Variants in IMMP2L observed in about 807,000 individuals in gnomAD.
IMMP2L encodes the protein inner mitochondrial membrane peptidase subunit 2.
A neutral mutation model predicts 19.3 loss-of-function variants in IMMP2L; 18 were observed. The observed-to-expected ratio is 0.93, with a 90% CI of 0.64 to 1.38. The LOEUF is 1.38. IMMP2L is among the 40% of genes most tolerant of loss of function. The pLI, the probability that IMMP2L is intolerant of heterozygous loss-of-function variation, is 0.00. For missense variants in IMMP2L, 233 were observed against 218.2 expected (o/e 1.07, Z -0.43); for synonymous variants, 76 against 73.0 (o/e 1.04, Z -0.21).
chr7:111,490,323 T>G (rs1025324266), intron 2 of IMMP2L, among the ~76,000 whole-genome samples: 1 of 150,906 alleles, frequency 6.6e-6, no homozygotes, highest in African/African-American at 2.4e-5. Context: ...CTTGCTATGT[T>G]GAGCAGGATG....
chr7:110,972,723 G>A (rs1820276752), intron 3 of IMMP2L, among the ~76,000 whole-genome samples: 1 of 152,124 alleles, frequency 6.6e-6, no homozygotes, highest in African/African-American at 2.4e-5. Context: ...AACCAAGCCA[G>A]AGAGGTACAG....
Position 110,729,008 on chromosome 7 carries a change from A to G in IMMP2L, c.409-65287T>C, listed in dbSNP as rs187259726. 5.3e-3 allele frequency among the ~76,000 whole-genome samples: 810 copies of G among 152,210 alleles called. 10 individuals carry two copies. The highest frequency in any genetic ancestry group is 0.019 in the African/African-American group (773 of 41,564). On this transcript the variant is annotated intron_variant, in intron 5 of 5. Transcript: ENST00000405709. ...CAGGTTCAAGAGATTCTCCAGCCTCAGCCCCCTGAGTGATTACAGGCACAT... is the reference window on the plus strand; with the variant it reads ...CAGGTTCAAGAGATTCTCCAGCCTCGGCCCCCTGAGTGATTACAGGCACAT...
At chr7:110,751,851 G>T (rs1797739639) in intron 5 of IMMP2L, among the ~76,000 whole-genome samples, 1 of 151,810 alleles carries the variant, frequency 6.6e-6, no homozygotes, top group Non-Finnish European at 1.5e-5. Flanking sequence ...CAAAATGAAA[G>T]AATACATGGA....
intron 5 of IMMP2L, among the ~76,000 whole-genome samples, chr7:110,741,617 A>G (rs1796994422): frequency 6.6e-6 from 1 of 152,226 alleles, no homozygotes; most frequent in Non-Finnish European, 1.5e-5. Flanking sequence ...TAGAATTGTA[A>G]GCAATAAATG....
chr7:110,948,082 C>A (rs1817433177), intron 4 of IMMP2L, among the ~76,000 whole-genome samples: 1 of 152,104 alleles, frequency 6.6e-6, no homozygotes, highest in Non-Finnish European at 1.5e-5. Context: ...GAATCCCAAC[C>A]AGGAGGATGA....
chr7:110,768,593 T>C (rs1384205818), intron 5 of IMMP2L, among the ~76,000 whole-genome samples: 1 of 152,166 alleles, frequency 6.6e-6, no homozygotes. Context: ...TTCTCCAGGA[T>C]TGTATACATG....
At chr7:110,739,704 A>G (rs1796873324) in intron 5 of IMMP2L, among the ~76,000 whole-genome samples, 1 of 152,118 alleles carries the variant, frequency 6.6e-6, no homozygotes, top group African/African-American at 2.4e-5. Flanking sequence ...TTCCCTACGA[A>G]AAATGAACTT....
intron 5 of IMMP2L, among the ~76,000 whole-genome samples, chr7:110,804,682 T>G (rs1801498950): frequency 6.6e-6 from 1 of 152,238 alleles, no homozygotes; most frequent in African/African-American, 2.4e-5. Context: ...AATTTCTAGT[T>G]ATTTTCAACT....
intron 3 of IMMP2L, among the ~76,000 whole-genome samples, chr7:111,010,635 A>G (rs1000964514): frequency 2.0e-5 from 3 of 152,142 alleles, no homozygotes; most frequent in Admixed American, 6.6e-5. Context: ...TCCAGGCCAA[A>G]CAACTATTTT....
chr7:111,319,905 T>A (rs1584607511), intron 3 of IMMP2L, among the ~76,000 whole-genome samples: 1 of 152,154 alleles, frequency 6.6e-6, no homozygotes, highest in African/African-American at 2.4e-5. Flanking sequence ...AATGACTTTA[T>A]ATAAAAATTA....
intron 3 of IMMP2L, among the ~76,000 whole-genome samples, chr7:111,111,951 T>TG (rs1563254709): frequency 2.0e-4 from 26 of 133,226 alleles, no homozygotes; most frequent in African/African-American, 7.0e-4. Context: ...TGTTTTTTTT[T>TG]TTTTTTTTTT....
intron 5 of IMMP2L, among the ~76,000 whole-genome samples, chr7:110,764,120 A>C (rs1466252486): frequency 6.6e-6 from 1 of 152,128 alleles, no homozygotes; most frequent in Admixed American, 6.6e-5. Context: ...ACTGACTTGA[A>C]TACAAGGTAA....
chr7:110,771,191 A>G (rs1447657856), intron 5 of IMMP2L, among the ~76,000 whole-genome samples: 1 of 152,076 alleles, frequency 6.6e-6, no homozygotes, highest in African/African-American at 2.4e-5. Flanking sequence ...TGAGGGTGAG[A>G]CTAGGTCAGG....
In IMMP2L at chr7:111,093,300, GATTT is replaced by G. The variant is rs1176709964; in HGVS notation, c.240-129739_240-129736del. On this transcript the variant is annotated intron_variant, in intron 3 of 5. Coordinates refer to ENST00000405709, the MANE Select transcript of IMMP2L (RefSeq NM_032549.4). ...TGCAATCTATAAAAAAAACCAAAAT[GATTT>G]ATTACAAAAAGGAAAAAGTGTTTTA... is the stretch of plus-strand genomic sequence containing the variant. 2.6e-5 allele frequency among the ~76,000 whole-genome samples: 4 copies of G among 152,190 alleles called. No homozygotes were observed. In the East Asian group the frequency reaches 7.7e-4, roughly 29 times the overall value.
intron 3 of IMMP2L, among the ~76,000 whole-genome samples, chr7:111,327,951 GATATATA>G (rs1192293131): frequency 6.6e-6 from 1 of 151,596 alleles, no homozygotes; most frequent in Non-Finnish European, 1.5e-5. Context: ...ACGTATAGTA[GATATATA>G]ATATATAAGA....
At chr7:111,025,934 T>C (rs1423900941) in intron 3 of IMMP2L, among the ~76,000 whole-genome samples, 1 of 152,132 alleles carries the variant, frequency 6.6e-6, no homozygotes, top group East Asian at 1.9e-4. Context: ...TGATTTATAA[T>C]AGGCATATAA....
At chr7:111,236,074 C>CCT (rs2129626670) in intron 3 of IMMP2L, among the ~76,000 whole-genome samples, 2 of 151,980 alleles carry the variant, frequency 1.3e-5, no homozygotes, top group South Asian at 4.2e-4. Flanking sequence ...TTCAATCTTT[C>CCT]CTCTCCTTTT....
intron 3 of IMMP2L, among the ~76,000 whole-genome samples, chr7:111,409,515 G>A (rs1032645829): frequency 1.3e-5 from 2 of 151,648 alleles, no homozygotes; most frequent in Non-Finnish European, 2.9e-5. Context: ...GCACATACAT[G>A]CAAGTAAAAT....
intron 1 of IMMP2L, among the ~76,000 whole-genome samples, chr7:111,527,534 A>G (rs1476304728): frequency 6.6e-6 from 1 of 152,062 alleles, no homozygotes; most frequent in Non-Finnish European, 1.5e-5. Context: ...AGATACTAAA[A>G]CAAACACTGA....
Sources: gnomAD v4.1 joint callset for allele counts (sites outside exome capture counted in the v4.1 genomes callset) on GRCh38, gnomAD v4.1.1 for gene constraint, MANE v1.5 for transcripts, NCBI Gene and HGNC (gene_info 2026-07-23, HGNC 2026-07-21) for gene names.